Variants in CRISPLD1 observed in about 807,000 individuals in gnomAD.
CRISPLD1 encodes the protein cysteine-rich secretory protein LCCL domain-containing 1.
In CRISPLD1, 60 loss-of-function variants were observed where a neutral mutation model predicts 77.5. The observed-to-expected ratio is 0.77, with a 90% CI of 0.63 to 0.96. The LOEUF is 0.96. Among genes scored for constraint, CRISPLD1 ranks in the 40% least tolerant of loss-of-function variants. The pLI is 0.00. For missense variants in CRISPLD1, 623 were observed against 615.8 expected (o/e 1.01, Z -0.12); for synonymous variants, 195 against 200.1 (o/e 0.97, Z 0.22).
At chr8:75,002,535 G>A (rs1278440393) in intron 2 of CRISPLD1, among the ~76,000 whole-genome samples, 1 of 151,698 alleles carries the variant, frequency 6.6e-6, no homozygotes, top group Non-Finnish European at 1.5e-5. Context: ...ATGCAGAGTT[G>A]TGGGCAGGAT....
At position 75,017,114 on chromosome 8, in the gene CRISPLD1, G is replaced by T; in HGVS notation, c.996+1G>T. On this transcript the variant is annotated splice_donor_variant, in intron 9 of 14. Transcript: ENST00000262207. LOFTEE classifies it high-confidence loss of function. ...TATTGGCAGTGTACATTATGAAATG[G>T]TAAGTGTTATAAATGTAATTATTTG... 13 of 1,607,736 alleles carry T rather than the reference G, an allele frequency of 8.1e-6. No homozygotes were observed. Among genetic ancestry groups the T allele is most frequent in the Non-Finnish European group, 1.1e-5 (13 of 1,175,006 alleles).
chr8:75,023,951 C>T (rs892219803), intron 12 of CRISPLD1, among the ~76,000 whole-genome samples: 1 of 152,032 alleles, frequency 6.6e-6, no homozygotes, highest in African/African-American at 2.4e-5. Flanking sequence ...AGCTTTTGGT[C>T]ATATTGTATT....
At chr8:75,006,063 T>C (rs1812825572) in intron 2 of CRISPLD1, among the ~76,000 whole-genome samples, 1 of 152,152 alleles carries the variant, frequency 6.6e-6, no homozygotes, top group South Asian at 2.1e-4. Context: ...TTTTCATTCC[T>C]TATCCTTCCC....
chr8:75,014,999 C>A, intron 6 of CRISPLD1, 87 bp downstream of exon 6: 1 of 756,542 alleles, frequency 1.3e-6, no homozygotes, highest in South Asian at 2.2e-5. Flanking sequence ...GCCAGAAGTG[C>A]ACTTAATGAT....
At chr8:74,999,566 A>G (rs557814072) in intron 2 of CRISPLD1, among the ~76,000 whole-genome samples, 3 of 152,278 alleles carry the variant, frequency 2.0e-5, no homozygotes, top group Admixed American at 6.5e-5. Flanking sequence ...ACAAGACCCC[A>G]GGTGATGTGG....
rs143822113 is a variant in CRISPLD1 at position 74,999,155 on chromosome 8, T to G, written c.258+12910T>G. ...GAACCTGAAACTGATCTGGCAAAGG[T>G]TACTTTTTTCTTCTTTTGACTTGTT... On this transcript the variant is annotated intron_variant, in intron 2 of 14. Transcript: ENST00000262207. Among the ~76,000 whole-genome samples the G allele has an allele frequency of 6.8e-3, 1,042 of 152,196 alleles. 2 individuals are homozygous for G. The highest frequency in any genetic ancestry group is 0.012 in the Non-Finnish European group (826 of 68,010).
At chr8:74,998,686 A>T (rs1029248892) in intron 2 of CRISPLD1, among the ~76,000 whole-genome samples, 1 of 69,998 alleles carries the variant, frequency 1.4e-5, no homozygotes, top group Non-Finnish European at 2.6e-5. Context: ...ACTCCATCTC[A>T]AAAAAAAAAA....
intron 2 of CRISPLD1, among the ~76,000 whole-genome samples, chr8:75,002,763 G>A (rs1449457650): frequency 1.3e-5 from 2 of 152,144 alleles, no homozygotes; most frequent in African/African-American, 4.8e-5. Flanking sequence ...CCAGGAGCCA[G>A]GGGGCAGGAG....
chr8:75,014,830 T>C lies in CRISPLD1; in HGVS notation c.645T>C (p.His215=). ...NYSPKGNWWG[H]APYKHGRPCS... Reference sequence around the variant, plus strand: ...CTTAAAGGGGAAACTGGTGGGGCCATGCCCCTTACAAACATGGGCGGCCCT... The same window carrying C: ...CTTAAAGGGGAAACTGGTGGGGCCACGCCCCTTACAAACATGGGCGGCCCT... Residue 215 remains histidine, a synonymous_variant, in exon 6 of 15, where the codon CAT becomes CAC. Transcript: ENST00000262207. 6.3e-7 allele frequency: 1 copy of C among 1,596,696 alleles called. No individual in the cohort carries two copies. Among genetic ancestry groups the C allele is most frequent in the Non-Finnish European group, 8.5e-7 (1 of 1,173,580 alleles).
Position 75,025,677 on chromosome 8 carries a change from GAC to G in CRISPLD1, c.1320+60_1320+61del. On this transcript the variant is annotated intron_variant, in intron 13 of 14. Coordinates refer to ENST00000262207, the MANE Select transcript of CRISPLD1 (RefSeq NM_031461.6). ...ATTCATGTATATATATAAATGTATAGACACATTTAAATGTGTATATGTACATT... is the reference window on the plus strand; with the variant it reads ...ATTCATGTATATATATAAATGTATAGACATTTAAATGTGTATATGTACATT... The G allele has an allele frequency of 4.4e-6, 4 of 910,596 alleles. No homozygotes were observed. In the Admixed American group the frequency reaches 5.4e-5, roughly 12 times the overall value. 56.4% of individuals were successfully genotyped at this position (910,596 alleles called of 1,614,324 possible).
At chr8:75,010,824 C>T (rs895392686) in intron 2 of CRISPLD1, among the ~76,000 whole-genome samples, 8 of 151,950 alleles carry the variant, frequency 5.3e-5, no homozygotes, top group Non-Finnish European at 5.9e-5. Context: ...ATAATATTCC[C>T]GAATAAATTT....
At chr8:75,027,773 T>C (rs1217220581) in intron 13 of CRISPLD1, among the ~76,000 whole-genome samples, 1 of 152,208 alleles carries the variant, frequency 6.6e-6, no homozygotes, top group Admixed American at 6.5e-5. Flanking sequence ...CTTCTCTTTC[T>C]TTCCTTCCAT....
chr8:75,001,107 AT>A (rs1469969735), intron 2 of CRISPLD1, among the ~76,000 whole-genome samples: 1 of 152,212 alleles, frequency 6.6e-6, no homozygotes, highest in African/African-American at 2.4e-5. Context: ...CATAATAAAA[AT>A]ATAAAGTCAT....
chr8:74,992,422 A>G (rs1282345276), intron 2 of CRISPLD1, among the ~76,000 whole-genome samples: 1 of 152,220 alleles, frequency 6.6e-6, no homozygotes, highest in Non-Finnish European at 1.5e-5. Flanking sequence ...CAGATTGATG[A>G]GTACTTACCC....
At chr8:75,018,171 A>G (rs1336713092) in intron 10 of CRISPLD1, among the ~76,000 whole-genome samples, 2 of 152,186 alleles carry the variant, frequency 1.3e-5, no homozygotes, top group Admixed American at 1.3e-4. Context: ...ATACAGTTGC[A>G]TGAAACTTCA....
intron 6 of CRISPLD1, 34 bp from the exon 7 acceptor site, chr8:75,016,531 G>T (rs368680235): frequency 3.8e-6 from 6 of 1,577,250 alleles, no homozygotes; most frequent in African/African-American, 1.4e-5. Context: ...TGTAAAATAG[G>T]GTTAATATTT....
In CRISPLD1 at chr8:74,984,805, C is replaced by T. The variant is rs1197743405; in HGVS notation, c.-178C>T. 2.0e-5 allele frequency: 3 copies of T among 152,380 alleles called. No individual in the cohort carries two copies. The highest frequency in any genetic ancestry group is 1.9e-4 in the East Asian group (1 of 5,170). 9.4% of individuals were successfully genotyped at this position (152,380 alleles called of 1,614,324 possible). ...ACGTCGCCCCCGGACGCTCGGTGCT[C>T]AGGCCCTTCGCGAGCGGGGCTCTCC... On this transcript the variant is annotated 5_prime_UTR_variant, in exon 1 of 15. Transcript: ENST00000262207.
intron 2 of CRISPLD1, among the ~76,000 whole-genome samples, chr8:75,002,966 T>C (rs1436908317): frequency 1.3e-5 from 2 of 152,212 alleles, no homozygotes; most frequent in African/African-American, 4.8e-5. Context: ...AGGAAAATAA[T>C]GCTATAGTCA....
At chr8:75,001,398 A>G (rs1357493008) in intron 2 of CRISPLD1, among the ~76,000 whole-genome samples, 4 of 152,136 alleles carry the variant, frequency 2.6e-5, no homozygotes, top group Non-Finnish European at 5.9e-5. Context: ...GAAGTTCAGG[A>G]TAGGATCTTC....
Sources: gnomAD v4.1 joint callset for allele counts (sites outside exome capture counted in the v4.1 genomes callset) on GRCh38, gnomAD v4.1.1 for gene constraint, MANE v1.5 for transcripts, NCBI Gene and HGNC (gene_info 2026-07-23, HGNC 2026-07-21) for gene names.